GPRASP3: variants seen among roughly 807,000 people sequenced by gnomAD.
GPRASP3 encodes the protein G protein-coupled receptor associated sorting protein 3.
At chrX:102,733,249 A>G in the GPRASP3 span, among the ~76,000 whole-genome samples, 1 of 111,812 alleles carries the variant, frequency 8.9e-6, no homozygotes, top group Non-Finnish European at 1.9e-5. Context: ...TAAGGTCAGG[A>G]GTTTGAGACC....
chrX:102,743,629 G>T, the GPRASP3 span, among the ~76,000 whole-genome samples: 2 of 110,375 alleles, frequency 1.8e-5, no homozygotes, highest in Non-Finnish European at 3.8e-5. Flanking sequence ...CACGCCAAAT[G>T]GGAGATGGAG....
chrX:102,743,375 T>C, the GPRASP3 span, among the ~76,000 whole-genome samples: 1 of 111,541 alleles, frequency 9.0e-6, no homozygotes, highest in African/African-American at 3.3e-5. Flanking sequence ...TTGTACAACT[T>C]GCATTTTCAC....
At chrX:102,739,007 G>A in the GPRASP3 span, among the ~76,000 whole-genome samples, 1 of 111,628 alleles carries the variant, frequency 9.0e-6, no homozygotes, top group South Asian at 3.8e-4. Flanking sequence ...CAGGTCACAG[G>A]TAGGTGAGAG....
At chrX:102,742,801 A>T in the GPRASP3 span, among the ~76,000 whole-genome samples, 2 of 111,937 alleles carry the variant, frequency 1.8e-5, no homozygotes, top group South Asian at 7.5e-4. Flanking sequence ...AGTCTCAGTC[A>T]ATTGAGGAAG....
chrX:102,751,552 A>G, the GPRASP3 span: 24 of 123,283 alleles, frequency 1.9e-4, no homozygotes, highest in Admixed American at 2.3e-3. Context: ...AGTCTTCCTG[A>G]AGGACATTTT....
the GPRASP3 span, among the ~76,000 whole-genome samples, chrX:102,748,240 A>G: frequency 1.8e-5 from 2 of 111,987 alleles, no homozygotes; most frequent in South Asian, 3.8e-4. Flanking sequence ...CAGAACTCCA[A>G]TCCCATCTGT....
chrX:102,736,524 A>G, the GPRASP3 span, among the ~76,000 whole-genome samples: 1 of 112,078 alleles, frequency 8.9e-6, no homozygotes, highest in African/African-American at 3.2e-5. Flanking sequence ...ATAAGCAGAT[A>G]CAGCTGGAAG....
the GPRASP3 span, among the ~76,000 whole-genome samples, chrX:102,721,862 A>T: frequency 9.0e-6 from 1 of 111,139 alleles, no homozygotes; most frequent in Non-Finnish European, 1.9e-5. Context: ...GTCCCATCCT[A>T]GGTAGCAGCC....
the GPRASP3 span, among the ~76,000 whole-genome samples, chrX:102,737,017 C>T: frequency 9.0e-6 from 1 of 111,625 alleles, no homozygotes; most frequent in East Asian, 2.8e-4. Context: ...CAAGGAGTCC[C>T]AAGCTGTTAG....
At chrX:102,749,945 A>G in the GPRASP3 span, 30 of 1,207,897 alleles carry the variant, frequency 2.5e-5, no homozygotes, top group Non-Finnish European at 3.1e-5. Context: ...TGCAAAATGG[A>G]ATGCTATATG....
At chrX:102,722,281 C>T in the GPRASP3 span, among the ~76,000 whole-genome samples, 1 of 111,730 alleles carries the variant, frequency 9.0e-6, no homozygotes, top group Non-Finnish European at 1.9e-5. Context: ...GGAAACACTA[C>T]TTCCTATTAC....
At chrX:102,723,517 A>G in the GPRASP3 span, among the ~76,000 whole-genome samples, 1 of 111,941 alleles carries the variant, frequency 8.9e-6, no homozygotes, top group Middle Eastern at 4.6e-3. Context: ...TTTCTACTCA[A>G]GCTGTCTTGT....
the GPRASP3 span, chrX:102,751,533 C>A: frequency 8.0e-6 from 1 of 125,197 alleles, no homozygotes; most frequent in Non-Finnish European, 1.9e-5. Flanking sequence ...TCTCACCACA[C>A]TGCTTTACAG....
At chrX:102,726,389 G>A in the GPRASP3 span, among the ~76,000 whole-genome samples, 1 of 112,552 alleles carries the variant, frequency 8.9e-6, no homozygotes, top group Non-Finnish European at 1.9e-5. Flanking sequence ...GTTCCTCAAA[G>A]CTTGTAGCAA....
chrX:102,748,614 C>T, the GPRASP3 span: 1 of 134,358 alleles, frequency 7.4e-6, no homozygotes, highest in Non-Finnish European at 1.5e-5. Context: ...TTCATTTCTA[C>T]TCTCCTATGT....
chrX:102,749,610 T>G, the GPRASP3 span: 1 of 1,211,277 alleles, frequency 8.3e-7, no homozygotes, highest in Non-Finnish European at 1.1e-6. Context: ...TGTATGAAAT[T>G]AATGAAAAAA....
the GPRASP3 span, chrX:102,721,121 T>A: frequency 9.0e-6 from 1 of 111,429 alleles, no homozygotes; most frequent in African/African-American, 3.3e-5. Flanking sequence ...TGCTCCCTCC[T>A]GCCTTTTGAA....
the GPRASP3 span, chrX:102,721,143 C>T: frequency 1.8e-5 from 2 of 111,395 alleles, no homozygotes; most frequent in Admixed American, 1.9e-4. Flanking sequence ...ACCCTTGACC[C>T]CTCATCCCAA....
the GPRASP3 span, among the ~76,000 whole-genome samples, chrX:102,728,683 C>T: frequency 9.6e-6 from 1 of 104,390 alleles, no homozygotes. Context: ...TCCCAAAGTG[C>T]TGAGATTAAA....
Sources: gnomAD v4.1 joint callset for allele counts (sites outside exome capture counted in the v4.1 genomes callset) on GRCh38, gnomAD v4.1.1 for gene constraint, MANE v1.5 for transcripts, NCBI Gene and HGNC (gene_info 2026-07-23, HGNC 2026-07-21) for gene names.